LAMA2: variants seen among roughly 807,000 people sequenced by gnomAD.
LAMA2 encodes laminin subunit alpha-2.
LAMA2 carries 269 observed loss-of-function variants against 364.8 expected under a neutral mutation model. The observed-to-expected ratio is 0.74, with a 90% CI of 0.67 to 0.82. LAMA2 has a LOEUF of 0.82. Among genes scored for constraint, LAMA2 ranks in the 40% least tolerant of loss-of-function variants. The probability of loss-of-function intolerance (pLI) is 0.00; values close to 1 mark genes in which losing one functional copy is unlikely to be tolerated. For synonymous variants in LAMA2, 1,379 were observed against 1,370.6 expected (o/e 1.01, Z -0.14); for missense variants, 3,807 against 3,873.2 (o/e 0.98, Z 0.45).
In LAMA2 at chr6:129,427,836, T is replaced by C. The variant is rs142637286; in HGVS notation, c.5950T>C (p.Leu1984=). Residue 1984 remains leucine (L), a synonymous_variant, in exon 41 of 65, where the codon TTA becomes CTA. Transcript: ENST00000421865. ...CAGGATTCTTAACGAAGCCAAGAAGTTAGCAAATGATGTAAAAGGTCAGTG... is the reference window on the plus strand; with the variant it reads ...CAGGATTCTTAACGAAGCCAAGAAGCTAGCAAATGATGTAAAAGGTCAGTG... The part of the protein sequence containing the change: ...SFRILNEAKK[L]ANDVKENEDH... The C allele has an allele frequency of 2.5e-6, 4 of 1,612,384 alleles. No individual in the cohort carries two copies. In the African/African-American group the frequency reaches 5.3e-5, roughly 21 times the overall value.
chr6:129,077,726 A>G (rs960894990), intron 3 of LAMA2, among the ~76,000 whole-genome samples: 1 of 152,230 alleles, frequency 6.6e-6, no homozygotes, highest in African/African-American at 2.4e-5. Context: ...TCACTGAAAT[A>G]GCTCCTACTT....
intron 1 of LAMA2, among the ~76,000 whole-genome samples, chr6:128,931,983 T>C (rs1779514468): frequency 1.3e-5 from 2 of 152,232 alleles, no homozygotes. Flanking sequence ...CCTTCTTTGC[T>C]GTATATGTAT....
At chr6:129,186,511 A>T (rs572043014) in intron 10 of LAMA2, among the ~76,000 whole-genome samples, 1 of 140,172 alleles carries the variant, frequency 7.1e-6, no homozygotes, top group African/African-American at 2.9e-5. Context: ...ATTTATTTCA[A>T]TAAATGCCCT....
chr6:129,066,107 G>T (rs866892153), intron 3 of LAMA2, among the ~76,000 whole-genome samples: 1 of 133,554 alleles, frequency 7.5e-6, no homozygotes, highest in African/African-American at 2.8e-5. Flanking sequence ...GTGCAGTGGC[G>T]GGATCTCGGC....
intron 1 of LAMA2, among the ~76,000 whole-genome samples, chr6:128,956,331 T>A (rs1562867940): frequency 6.6e-6 from 1 of 152,070 alleles, no homozygotes; most frequent in Admixed American, 6.6e-5. Flanking sequence ...CCCTGGGGTA[T>A]GTCTATTTAT....
intron 28 of LAMA2, among the ~76,000 whole-genome samples, chr6:129,324,719 T>C (rs1775170101): frequency 6.6e-6 from 1 of 152,188 alleles, no homozygotes; most frequent in South Asian, 2.1e-4. Context: ...CAGTAGGCAA[T>C]TGTAACATAA....
chr6:128,995,956 C>A (rs1783913400), intron 1 of LAMA2, among the ~76,000 whole-genome samples: 1 of 152,062 alleles, frequency 6.6e-6, no homozygotes, highest in Non-Finnish European at 1.5e-5. Context: ...CCTTTTTATT[C>A]TCTCTGATGA....
chr6:129,274,361 T>C (rs997292414), intron 17 of LAMA2, among the ~76,000 whole-genome samples: 54 of 151,378 alleles, frequency 3.6e-4, no homozygotes, highest in African/African-American at 1.2e-3. Context: ...GAGATATGAA[T>C]TGAATATTTG....
At chr6:129,353,385 T>A (rs1203218089) in intron 32 of LAMA2, 28 bp downstream of exon 32, 1 of 1,582,690 alleles carries the variant, frequency 6.3e-7, no homozygotes, top group African/African-American at 1.3e-5. Flanking sequence ...GCTGTTAGTT[T>A]TGGAGGCCTT....
chr6:129,501,911 T>C (rs1037620987), intron 58 of LAMA2, among the ~76,000 whole-genome samples: 2 of 152,182 alleles, frequency 1.3e-5, no homozygotes, highest in Non-Finnish European at 2.9e-5. Flanking sequence ...CAAGGCCCAG[T>C]GCAAAATGGA....
chr6:129,331,003 G>T (rs945403840), intron 29 of LAMA2, among the ~76,000 whole-genome samples: 1 of 152,026 alleles, frequency 6.6e-6, no homozygotes, highest in Non-Finnish European at 1.5e-5. Context: ...TGAGTAGCTG[G>T]AACTACAGGT....
intron 58 of LAMA2, among the ~76,000 whole-genome samples, chr6:129,496,967 T>C (rs1228427384): frequency 6.6e-6 from 1 of 152,246 alleles, no homozygotes; most frequent in Non-Finnish European, 1.5e-5. Flanking sequence ...TGGCTCAAAG[T>C]AACATTCCAT....
At chr6:129,502,903 G>C in intron 59 of LAMA2, 132 bp downstream of exon 59, 1 of 862,756 alleles carries the variant, frequency 1.2e-6, no homozygotes, top group Non-Finnish European at 1.9e-6. Flanking sequence ...GAGTACAATA[G>C]AGAATAGAAT....
At chr6:129,005,535 A>G (rs993530992) in intron 1 of LAMA2, among the ~76,000 whole-genome samples, 1 of 151,886 alleles carries the variant, frequency 6.6e-6, no homozygotes, top group African/African-American at 2.4e-5. Context: ...ATTTCTCATT[A>G]CTTTCAAGTA....
intron 22 of LAMA2, among the ~76,000 whole-genome samples, chr6:129,307,413 A>G (rs1001770021): frequency 1.3e-4 from 20 of 152,278 alleles, no homozygotes; most frequent in African/African-American, 3.6e-4. Flanking sequence ...TTACCTTTCT[A>G]TCTAACTTCT....
intron 28 of LAMA2, 134 bp from the exon 29 acceptor site, chr6:129,328,144 T>C: frequency 1.3e-6 from 1 of 789,902 alleles, no homozygotes. Context: ...AATCGGCACT[T>C]GCGTTTGTAA....
chr6:128,923,140 T>C (rs1199507274), intron 1 of LAMA2, among the ~76,000 whole-genome samples: 2 of 141,936 alleles, frequency 1.4e-5, no homozygotes, highest in Non-Finnish European at 3.1e-5. Flanking sequence ...AGTCAGGTAG[T>C]GTGATGCCTC....
At chr6:129,108,039 C>T (rs1161018773) in intron 4 of LAMA2, among the ~76,000 whole-genome samples, 4 of 151,802 alleles carry the variant, frequency 2.6e-5, no homozygotes, top group Admixed American at 2.6e-4. Context: ...AATTCTTTAC[C>T]TTTTAGCTTT....
intron 62 of LAMA2, among the ~76,000 whole-genome samples, chr6:129,509,398 C>T (rs898041886): frequency 1.3e-5 from 2 of 152,076 alleles, no homozygotes; most frequent in Non-Finnish European, 2.9e-5. Flanking sequence ...GTTGCCTGTG[C>T]TTGTGGGTAT....
Sources: allele counts gnomAD v4.1 joint callset (sites outside exome capture counted in the v4.1 genomes callset), GRCh38; gene constraint gnomAD v4.1.1; transcripts MANE v1.5; gene names NCBI Gene and HGNC (gene_info 2026-07-23, HGNC 2026-07-21).